The following PLCG2 variants were observed in gnomAD, a reference collection of about 807,000 sequenced individuals.
PLCG2 encodes the protein 1-phosphatidylinositol 4,5-bisphosphate phosphodiesterase gamma-2.
In PLCG2, 69 loss-of-function variants were observed where a neutral mutation model predicts 175.6. That is an observed-to-expected ratio of 0.39 (90% confidence interval 0.32 to 0.48). The LOEUF (loss-of-function observed/expected upper bound fraction) is 0.48. PLCG2 is among the 20% of genes least tolerant of loss of function. The pLI, the probability that PLCG2 is intolerant of heterozygous loss-of-function variation, is 0.91. For synonymous variants in PLCG2, 827 were observed against 624.0 expected, an observed-to-expected ratio of 1.33 and a Z score of -4.85; for missense variants, 1,798 against 1,650.9, an observed-to-expected ratio of 1.09 and a Z score of -1.54.
rs1424882152 is a variant in PLCG2 at position 81,763,298 on chromosome 16, G to C, written c.-48+7332G>C. Among the ~76,000 whole-genome samples the C allele has an allele frequency of 2.6e-5, 4 of 152,322 alleles. No homozygotes were observed. In the East Asian group the frequency reaches 5.8e-4, roughly 22 times the overall value. ...ATCAGTCATCCATTGCTGCATAACA[G>C]ATGACTCCAAAATGCAGTGGCCTAA... is the stretch of plus-strand genomic sequence containing the variant. On this transcript the variant is annotated intron_variant, in intron 2 of 5. Transcript: ENST00000565054.
chr16:81,831,457 T>C (rs1197352035), intron 2 of PLCG2, among the ~76,000 whole-genome samples: 1 of 152,232 alleles, frequency 6.6e-6, no homozygotes, highest in Non-Finnish European at 1.5e-5. Flanking sequence ...CTTGGTCTCC[T>C]TAAATCCTCA....
intron 2 of PLCG2, among the ~76,000 whole-genome samples, chr16:81,812,654 G>A (rs920921450): frequency 6.6e-6 from 1 of 152,142 alleles, no homozygotes; most frequent in African/African-American, 2.4e-5. Context: ...TCTGATGATA[G>A]TTTCTTTTGC....
At chr16:81,805,237 T>A (rs143734787) in intron 2 of PLCG2, among the ~76,000 whole-genome samples, 3 of 152,070 alleles carry the variant, frequency 2.0e-5, no homozygotes, top group African/African-American at 7.2e-5. Flanking sequence ...CGGTAGCTCA[T>A]GCCTGTAATC....
At position 81,960,058 on chromosome 16, in the gene PLCG2, G is replaced by A. The variant is rs1330279459; in HGVS notation, c.*2060G>A. 1 of 218,490 alleles carries A rather than the reference G, an allele frequency of 4.6e-6. No homozygotes were observed. Among genetic ancestry groups the A allele is most frequent in the Non-Finnish European group, 9.2e-6 (1 of 108,858 alleles). The allele number at this position is 218,490 out of a possible 1,614,324, so 13.5% of individuals were successfully genotyped here. On this transcript the variant is annotated 3_prime_UTR_variant, in exon 33 of 33. Transcript: ENST00000564138. ...CATGCGTGGCCAAAGAGAAGTCAGG[G>A]GATTATGACATAAATGGTGCTGGGA...
At chr16:81,750,251 T>TACA (rs1308317780) in intron 1 of PLCG2, among the ~76,000 whole-genome samples, 3 of 151,672 alleles carry the variant, frequency 2.0e-5, no homozygotes, top group East Asian at 1.9e-4. Context: ...CTGCTAAAAA[T>TACA]ACAACAACAA....
intron 1 of PLCG2, among the ~76,000 whole-genome samples, chr16:81,750,685 T>TTTTTTTTTTTTTTTTTTTA (rs869211052): frequency 7.8e-6 from 1 of 128,554 alleles, no homozygotes; most frequent in Non-Finnish European, 1.6e-5. Context: ...TTTTTTTTTT[T>TTTTTTTTTTTTTTTTTTTA]GAGATAGAGT....
intron 2 of PLCG2, among the ~76,000 whole-genome samples, chr16:81,831,435 C>G (rs1905254256): frequency 6.6e-6 from 1 of 152,226 alleles, no homozygotes; most frequent in East Asian, 1.9e-4. Flanking sequence ...GCACTAAGCA[C>G]TTGGCCATGA....
intron 2 of PLCG2, among the ~76,000 whole-genome samples, chr16:81,757,005 G>T (rs1173439175): frequency 1.3e-5 from 2 of 152,242 alleles, no homozygotes; most frequent in Non-Finnish European, 2.9e-5. Context: ...AATGTGGTAG[G>T]AAGTGTAGTG....
chr16:81,830,939 C>T (rs554668565), intron 2 of PLCG2, among the ~76,000 whole-genome samples: 1 of 152,160 alleles, frequency 6.6e-6, no homozygotes, highest in East Asian at 1.9e-4. Flanking sequence ...TTTCAGAGAG[C>T]ATACGCAGTG....
intron 30 of PLCG2, among the ~76,000 whole-genome samples, chr16:81,942,697 G>GAGAGAC (rs1491147810): frequency 1.3e-5 from 2 of 152,060 alleles, no homozygotes; most frequent in African/African-American, 4.8e-5. Context: ...CTTTGAGGCC[G>GAGAGAC]AGAGACTATG....
intron 2 of PLCG2, among the ~76,000 whole-genome samples, chr16:81,832,138 G>A (rs1237202435): frequency 1.3e-5 from 2 of 152,074 alleles, no homozygotes; most frequent in African/African-American, 2.4e-5. Flanking sequence ...GCGATTCTGT[G>A]GCACTCAAAT....
At chr16:81,890,016 T>C (rs541919871) in intron 10 of PLCG2, among the ~76,000 whole-genome samples, 2 of 151,998 alleles carry the variant, frequency 1.3e-5, no homozygotes, top group South Asian at 2.1e-4. Flanking sequence ...TGCTGATTGG[T>C]TGGAGATGCA....
intron 2 of PLCG2, among the ~76,000 whole-genome samples, chr16:81,846,915 G>A (rs922841460): frequency 6.6e-6 from 1 of 152,042 alleles, no homozygotes; most frequent in African/African-American, 2.4e-5. Flanking sequence ...CACGCATCAA[G>A]CAAACAATTC....
chr16:81,918,471 T>A (rs1909931912), intron 19 of PLCG2, among the ~76,000 whole-genome samples: 1 of 152,240 alleles, frequency 6.6e-6, no homozygotes, highest in South Asian at 2.1e-4. Flanking sequence ...TTTTTTTAAA[T>A]CTAGGTTTCC....
chr16:81,938,486 G>A, intron 28 of PLCG2: 1 of 374,098 alleles, frequency 2.7e-6, no homozygotes, highest in Non-Finnish European at 4.8e-6. Flanking sequence ...TGGAAATCCA[G>A]TGATTAAGCT....
At chr16:81,780,218 G>C (rs976794120) in intron 1 of PLCG2, among the ~76,000 whole-genome samples, 1 of 152,150 alleles carries the variant, frequency 6.6e-6, no homozygotes, top group Admixed American at 6.5e-5. Flanking sequence ...AACTTAATTT[G>C]AATTTCAGTT....
intron 13 of PLCG2, among the ~76,000 whole-genome samples, chr16:81,899,728 G>A (rs989021283): frequency 6.6e-6 from 1 of 152,220 alleles, no homozygotes; most frequent in East Asian, 1.9e-4. Context: ...AGGCTGTGAT[G>A]TGCCCGATGG....
chr16:81,829,784 G>A (rs1281724020), intron 2 of PLCG2, among the ~76,000 whole-genome samples: 1 of 152,192 alleles, frequency 6.6e-6, no homozygotes, highest in East Asian at 1.9e-4. Flanking sequence ...CTCCTGCTGG[G>A]CATTTGTGCT....
chr16:81,858,347 T>C lies in PLCG2; in HGVS notation c.422T>C (p.Ile141Thr). The C allele has an allele frequency of 1.2e-6, 2 of 1,612,788 alleles. No individual in the cohort carries two copies. Among genetic ancestry groups the C allele is most frequent in the Non-Finnish European group, 1.7e-6 (2 of 1,178,796 alleles). The change falls in exon 4 of 33, where the codon ATT becomes ACT. Residue 141 changes from isoleucine (I) to threonine (T), a missense_variant. Coordinates refer to ENST00000564138, the MANE Select transcript of PLCG2 (RefSeq NM_002661.5). ...GCGATGAATGCGTCCACGCCCACCA[T>C]TATCGAGAGGTAGTTGGCTTTTGCC... ...QEAMNASTPT[I>T]IESWLRKQIY...
Sources: gnomAD v4.1 joint callset for allele counts (sites outside exome capture counted in the v4.1 genomes callset) on GRCh38, gnomAD v4.1.1 for gene constraint, MANE v1.5 for transcripts, NCBI Gene and HGNC (gene_info 2026-07-23, HGNC 2026-07-21) for gene names.